Variants in FAT3 observed in about 807,000 individuals in gnomAD.
FAT3 encodes protocadherin Fat 3.
Under a neutral mutation model 310.2 loss-of-function variants are expected in FAT3, and 95 were observed. The observed-to-expected ratio is 0.31, with a 90% CI of 0.26 to 0.36. The LOEUF (loss-of-function observed/expected upper bound fraction) is 0.36. Among genes scored for constraint, FAT3 ranks in the 10% least tolerant of loss-of-function variants. The probability of loss-of-function intolerance (pLI) is 1.00; values close to 1 mark genes in which losing one functional copy is unlikely to be tolerated. For missense variants in FAT3, 5,408 were observed against 5,715.6 expected (o/e 0.95, Z 1.74); for synonymous variants, 2,314 against 2,192.9 (o/e 1.06, Z -1.54).
intron 3 of FAT3, among the ~76,000 whole-genome samples, chr11:92,601,756 G>A (rs1001086072): frequency 1.3e-5 from 2 of 152,126 alleles, no homozygotes; most frequent in Admixed American, 1.3e-4. Flanking sequence ...GTAGCTCAGA[G>A]GTCTACTTCT....
At chr11:92,526,763 A>G (rs897732285) in intron 3 of FAT3, among the ~76,000 whole-genome samples, 4 of 152,244 alleles carry the variant, frequency 2.6e-5, no homozygotes, top group Admixed American at 6.5e-5. Context: ...AAGCATGTTC[A>G]TAATTTCTCT....
At chr11:92,479,652 C>T (rs1163163324) in intron 2 of FAT3, among the ~76,000 whole-genome samples, 2 of 152,134 alleles carry the variant, frequency 1.3e-5, no homozygotes, top group East Asian at 3.9e-4. Context: ...TCTGCTTATT[C>T]CTCATTAGTA....
intron 2 of FAT3, among the ~76,000 whole-genome samples, chr11:92,411,268 C>A (rs1460241955): frequency 6.6e-6 from 1 of 150,694 alleles, no homozygotes; most frequent in Non-Finnish European, 1.5e-5. Flanking sequence ...GTTTTTTGAG[C>A]CCTGCCATGT....
chr11:92,614,070 C>T (rs500518), intron 3 of FAT3, among the ~76,000 whole-genome samples: 85,334 of 151,910 alleles, frequency 0.56, 25,371 homozygotes, highest in African/African-American at 0.76. Context: ...CAGAGTGTAT[C>T]GGTATTTCAT....
chr11:92,795,503 A>T (rs1947146671), intron 9 of FAT3, among the ~76,000 whole-genome samples: 2 of 152,096 alleles, frequency 1.3e-5, no homozygotes, highest in Admixed American at 1.3e-4. Flanking sequence ...AGAATGGGTC[A>T]GTGTGTCAAA....
intron 3 of FAT3, among the ~76,000 whole-genome samples, chr11:92,614,305 A>G (rs1355644948): frequency 3.3e-5 from 5 of 152,210 alleles, no homozygotes; most frequent in South Asian, 2.1e-4. Context: ...TACTATATTA[A>G]CATTCTAAGT....
chr11:92,592,659 T>C (rs1939499683), intron 3 of FAT3, among the ~76,000 whole-genome samples: 1 of 152,094 alleles, frequency 6.6e-6, no homozygotes. Flanking sequence ...TTTTTGATAC[T>C]GACTAAAACA....
At position 92,799,779 on chromosome 11, in the gene FAT3, C is replaced by T. The variant is rs745717922; in HGVS notation, c.6766C>T (p.Leu2256=). Residue 2256 remains leucine (L), a synonymous_variant, in exon 10 of 28, where the codon CTG becomes TTG. Coordinates refer to ENST00000525166, the MANE Select transcript of FAT3 (RefSeq NM_001367949.2). ...TTATGAAGTTACATCTGCTTACAAG[C>T]TGACAATAAGAGCCAGCGACGCCCT... ...LDYEVTSAYK[L]TIRASDALTG... 18 of 1,612,660 alleles carry T rather than the reference C, an allele frequency of 1.1e-5. No individual in the cohort carries two copies. The highest frequency in any genetic ancestry group is 1.4e-5 in the Non-Finnish European group (16 of 1,179,378).
intron 7 of FAT3, among the ~76,000 whole-genome samples, chr11:92,788,999 A>G (rs1215309817): frequency 6.6e-6 from 1 of 152,170 alleles, no homozygotes; most frequent in Non-Finnish European, 1.5e-5. Context: ...AAAGATTATG[A>G]ATATATATAT....
At chr11:92,403,316 T>C (rs1395284673) in intron 2 of FAT3, 1 of 152,226 alleles carries the variant, frequency 6.6e-6, no homozygotes, top group Non-Finnish European at 1.5e-5. Flanking sequence ...CTCAATGTCT[T>C]CTTAAATTGT....
At chr11:92,523,492 TC>T (rs1953752094) in intron 2 of FAT3, among the ~76,000 whole-genome samples, 2 of 152,182 alleles carry the variant, frequency 1.3e-5, no homozygotes, top group Non-Finnish European at 2.9e-5. Flanking sequence ...GATGCCCTCC[TC>T]TCTCCCCGTT....
chr11:92,295,661 T>C (rs191899807), intron 1 of FAT3, among the ~76,000 whole-genome samples: 2 of 152,238 alleles, frequency 1.3e-5, no homozygotes, highest in East Asian at 3.9e-4. Flanking sequence ...GTTGGGAAAT[T>C]GTTCTCTTCT....
chr11:92,621,000 C>T (rs1001906630), intron 3 of FAT3, among the ~76,000 whole-genome samples: 1 of 152,170 alleles, frequency 6.6e-6, no homozygotes, highest in African/African-American at 2.4e-5. Context: ...TCCCATCATG[C>T]AGGCTCCACT....
At chr11:92,851,648 C>T (rs745681134) in intron 19 of FAT3, among the ~76,000 whole-genome samples, 3 of 152,116 alleles carry the variant, frequency 2.0e-5, no homozygotes, top group Admixed American at 6.5e-5. Flanking sequence ...CCATAAATGG[C>T]GTCAGTTGGT....
At chr11:92,858,804 G>T (rs544661998) in intron 20 of FAT3, among the ~76,000 whole-genome samples, 2 of 152,294 alleles carry the variant, frequency 1.3e-5, no homozygotes, top group South Asian at 4.2e-4. Flanking sequence ...CTAAGTGATT[G>T]GGGGTTGGGG....
Position 92,801,600 on chromosome 11 carries a change from A to G in FAT3, c.8587A>G (p.Met2863Val), listed in dbSNP as rs1436741096. Reference sequence around the variant, plus strand: ...CTCGGATTCCCAGCCCGAAAAGGTAATGGAAGCATTCAATATTGACAGCAA... The same window carrying G: ...CTCGGATTCCCAGCCCGAAAAGGTAGTGGAAGCATTCAATATTGACAGCAA... Reference protein sequence around the residue: ...LHSDSQPEKVMEAFNIDSNTG... With the variant: ...LHSDSQPEKVVEAFNIDSNTG... The change falls in exon 10 of 28, where the codon ATG (methionine) becomes GTG (valine). Residue 2863 changes from methionine to valine, a missense_variant. Around this residue, in one of 5 missense-constraint regions of FAT3, gnomAD observed 4,588 missense variants for 4,809.8 expected, o/e 0.95. Transcript: ENST00000525166. 2.5e-6 allele frequency: 4 copies of G among 1,612,898 alleles called. No homozygotes were observed. Among genetic ancestry groups the G allele is most frequent in the Non-Finnish European group, 2.5e-6 (3 of 1,179,396 alleles).
intron 24 of FAT3, among the ~76,000 whole-genome samples, chr11:92,886,059 A>G (rs183015776): frequency 6.6e-6 from 1 of 152,334 alleles, no homozygotes; most frequent in African/African-American, 2.4e-5. Flanking sequence ...ATTGCGTTAC[A>G]TGATGATTTG....
chr11:92,447,393 G>A (rs745444811), intron 2 of FAT3, among the ~76,000 whole-genome samples: 15 of 151,834 alleles, frequency 9.9e-5, no homozygotes, highest in South Asian at 8.3e-4. Context: ...TGTAAGATGA[G>A]AACAGTAATG....
intron 2 of FAT3, among the ~76,000 whole-genome samples, chr11:92,442,776 CT>C (rs1951105569): frequency 6.6e-6 from 1 of 152,124 alleles, no homozygotes; most frequent in Non-Finnish European, 1.5e-5. Context: ...TTGTCTATGT[CT>C]TGTGTACTGA....
Sources: gnomAD v4.1 joint callset for allele counts (sites outside exome capture counted in the v4.1 genomes callset) on GRCh38, gnomAD v4.1.1 for gene constraint, gnomAD v4.1.1 regional missense constraint, MANE v1.5 for transcripts, NCBI Gene and HGNC (gene_info 2026-07-23, HGNC 2026-07-21) for gene names.